The following PHACTR1 variants were observed in gnomAD, a reference collection of about 807,000 sequenced individuals.
PHACTR1 encodes phosphatase and actin regulator 1.
A neutral mutation model predicts 69.2 loss-of-function variants in PHACTR1; 16 were observed. The ratio of observed to expected loss-of-function variants is 0.23; its 90% CI spans 0.16 to 0.35. The LOEUF is 0.35. Ranked by LOEUF, PHACTR1 falls within the 10% of genes least tolerant of loss-of-function variation. The pLI is 1.00. For synonymous variants in PHACTR1, 312 were observed against 284.5 expected, an observed-to-expected ratio of 1.10 and a Z score of -0.97; for missense variants, 510 against 734.7, an observed-to-expected ratio of 0.69 and a Z score of 3.54.
chr6:13,116,071 A>C (rs1817775748), intron 5 of PHACTR1, among the ~76,000 whole-genome samples: 1 of 151,872 alleles, frequency 6.6e-6, no homozygotes, highest in Non-Finnish European at 1.5e-5. Context: ...TTTTTCTCCC[A>C]AAATTATACT....
chr6:13,006,839 A>T lies in PHACTR1; in HGVS notation c.251-46526A>T, dbSNP rs1191662617. ...GAGCTCATCACTGCGTCACTTCAGAACCCAAAGGGAAGCCATAGCTGCTAT... is the reference window on the plus strand; with the variant it reads ...GAGCTCATCACTGCGTCACTTCAGATCCCAAAGGGAAGCCATAGCTGCTAT... On this transcript the variant is annotated intron_variant, in intron 4 of 14. Transcript: ENST00000332995. 7.2e-5 allele frequency among the ~76,000 whole-genome samples: 11 copies of T among 152,278 alleles called. 1 individual carries two copies. The highest frequency in any genetic ancestry group is 7.2e-4 in the Admixed American group (11 of 15,296).
intron 3 of PHACTR1, among the ~76,000 whole-genome samples, chr6:12,720,174 G>T (rs1267235862): frequency 6.6e-6 from 1 of 152,186 alleles, no homozygotes; most frequent in Non-Finnish European, 1.5e-5. Flanking sequence ...AGGTTGGAAG[G>T]GGGTGGGGGA....
intron 5 of PHACTR1, among the ~76,000 whole-genome samples, chr6:13,146,883 A>C (rs1014232288): frequency 2.6e-5 from 4 of 152,182 alleles, no homozygotes; most frequent in Non-Finnish European, 5.9e-5. Flanking sequence ...CAGGGTGGAA[A>C]TGTGAATTGT....
intron 5 of PHACTR1, among the ~76,000 whole-genome samples, chr6:13,108,394 G>A (rs779014679): frequency 8.6e-5 from 13 of 151,896 alleles, no homozygotes; most frequent in Non-Finnish European, 1.8e-4. Flanking sequence ...AGATCAAGCT[G>A]GTTTAAAGTA....
chr6:13,029,064 C>T lies in PHACTR1; in HGVS notation c.251-24301C>T, dbSNP rs1298209106. 2.0e-5 allele frequency among the ~76,000 whole-genome samples: 3 copies of T among 152,158 alleles called. No homozygotes were observed. The South Asian group carries it at 6.2e-4, about 32-fold the overall frequency. ...TGCCAATTATGAGAATTAATCTAAT[C>T]TTCCCGGGATAGATACTATTTATCT... On this transcript the variant is annotated intron_variant, in intron 4 of 14. Coordinates refer to ENST00000332995, the MANE Select transcript of PHACTR1 (RefSeq NM_030948.6).
At chr6:13,234,571 T>C (rs991081240) in intron 10 of PHACTR1, among the ~76,000 whole-genome samples, 1 of 150,964 alleles carries the variant, frequency 6.6e-6, no homozygotes, top group African/African-American at 2.4e-5. Context: ...AATCCCAAAT[T>C]GAGGGTGAGG....
chr6:12,822,448 G>T (rs569488006), intron 4 of PHACTR1, among the ~76,000 whole-genome samples: 2 of 152,342 alleles, frequency 1.3e-5, no homozygotes, highest in African/African-American at 4.8e-5. Flanking sequence ...GCCCAGCCAG[G>T]TGCTAGGGGA....
At chr6:13,190,196 G>GTTTTGTTTTTTTTT (rs1220683843) in intron 7 of PHACTR1, among the ~76,000 whole-genome samples, 6 of 31,848 alleles carry the variant, frequency 1.9e-4, no homozygotes, top group African/African-American at 5.2e-4. Flanking sequence ...GCTAATTTTT[G>GTTTTGTTTTTTTTT]TATTTTTTTT....
chr6:12,911,658 T>C (rs779471477), intron 4 of PHACTR1, among the ~76,000 whole-genome samples: 17 of 152,252 alleles, frequency 1.1e-4, no homozygotes, highest in Non-Finnish European at 1.6e-4. Context: ...ACTCAAATGA[T>C]TTTTTGTTTA....
chr6:12,979,995 T>C (rs755225548), intron 4 of PHACTR1, among the ~76,000 whole-genome samples: 52 of 152,222 alleles, frequency 3.4e-4, no homozygotes, highest in Admixed American at 1.8e-3. Context: ...ACAATTAGCA[T>C]GCTTTGTTAG....
chr6:13,144,772 GAA>G (rs11326657), intron 5 of PHACTR1, among the ~76,000 whole-genome samples: 1 of 18,610 alleles, frequency 5.4e-5, no homozygotes, highest in African/African-American at 9.4e-5. Flanking sequence ...CCCTGTCTCA[GAA>G]AAAAAAAAAA....
intron 10 of PHACTR1, among the ~76,000 whole-genome samples, chr6:13,249,464 G>T (rs909946173): frequency 6.6e-6 from 1 of 152,232 alleles, no homozygotes; most frequent in Non-Finnish European, 1.5e-5. Context: ...GGCCCCAGAA[G>T]ATTACATTTT....
At chr6:13,214,415 A>G (rs1200088646) in intron 8 of PHACTR1, among the ~76,000 whole-genome samples, 2 of 152,220 alleles carry the variant, frequency 1.3e-5, no homozygotes, top group African/African-American at 4.8e-5. Context: ...AATTTTGATT[A>G]TGAACTTTAG....
At chr6:13,216,484 GGTGTTGCTTTGTAGTTCC>G (rs750854572) in intron 8 of PHACTR1, among the ~76,000 whole-genome samples, 311 of 152,298 alleles carry the variant, frequency 2.0e-3, no homozygotes, top group Non-Finnish European at 3.2e-3. Flanking sequence ...CTTGTGAAGT[GGTGTTGCTTTGTAGTTCC>G]GTGTTTCTTC....
At chr6:13,195,439 C>A (rs1764232589) in intron 7 of PHACTR1, among the ~76,000 whole-genome samples, 1 of 152,068 alleles carries the variant, frequency 6.6e-6, no homozygotes, top group South Asian at 2.1e-4. Flanking sequence ...TACAAATGGG[C>A]CTCTATAGCA....
chr6:12,897,698 T>TTTTTTA lies in PHACTR1; in HGVS notation c.250+147910_250+147911insTTTATT, dbSNP rs1405192047. Among the ~76,000 whole-genome samples the TTTTTTA allele has an allele frequency of 8.7e-5, 13 of 148,878 alleles. No homozygotes were observed. The South Asian group carries it at 2.8e-3, about 32-fold the overall frequency. On this transcript the variant is annotated intron_variant, in intron 4 of 14. Coordinates refer to ENST00000332995, the MANE Select transcript of PHACTR1 (RefSeq NM_030948.6). ...ACATGCAACAAGCACTTTGTAATCT[T>TTTTTTA]TTATTATTATTATTATTATTATTAT...
chr6:13,175,023 T>G (rs1364056512), intron 6 of PHACTR1, among the ~76,000 whole-genome samples: 1 of 152,240 alleles, frequency 6.6e-6, no homozygotes, highest in Non-Finnish European at 1.5e-5. Flanking sequence ...CTTTCTCCTT[T>G]CATTTCTTCC....
intron 4 of PHACTR1, among the ~76,000 whole-genome samples, chr6:12,868,447 A>G (rs531039001): frequency 6.6e-6 from 1 of 152,264 alleles, no homozygotes; most frequent in African/African-American, 2.4e-5. Context: ...TGTCAACCCC[A>G]GTAGAGAAAG....
intron 4 of PHACTR1, among the ~76,000 whole-genome samples, chr6:13,008,992 T>C (rs959023785): frequency 6.6e-6 from 1 of 152,202 alleles, no homozygotes; most frequent in African/African-American, 2.4e-5. Flanking sequence ...CCAGAGGCTC[T>C]TGGGGAGAGT....
Sources: gnomAD v4.1 joint callset for allele counts (sites outside exome capture counted in the v4.1 genomes callset) on GRCh38, gnomAD v4.1.1 for gene constraint, MANE v1.5 for transcripts, NCBI Gene and HGNC (gene_info 2026-07-23, HGNC 2026-07-21) for gene names.